The following SUGCT variants were observed in gnomAD, a reference collection of about 807,000 sequenced individuals.
SUGCT encodes succinyl-CoA:glutarate-CoA transferase.
In SUGCT, 41 loss-of-function variants were observed where a neutral mutation model predicts 55.0. The observed-to-expected ratio is 0.74, with a 90% confidence interval of 0.58 to 0.97. The LOEUF is 0.97. Ranked by LOEUF, SUGCT falls within the 50% of genes least tolerant of loss-of-function variation. SUGCT has a pLI of 0.00. For missense variants in SUGCT, 568 were observed against 547.8 expected (o/e 1.04, Z -0.37); for synonymous variants, 187 against 200.4 (o/e 0.93, Z 0.56).
intron 13 of SUGCT, among the ~76,000 whole-genome samples, chr7:40,844,446 T>A (rs1471043436): frequency 6.6e-6 from 1 of 152,106 alleles, no homozygotes; most frequent in East Asian, 1.9e-4. Context: ...TTCTCCTGAA[T>A]GACCGAACTC....
intron 12 of SUGCT, among the ~76,000 whole-genome samples, chr7:40,507,686 G>A (rs943441521): frequency 2.0e-5 from 3 of 152,128 alleles, no homozygotes; most frequent in Non-Finnish European, 4.4e-5. Flanking sequence ...TGTTCACTCA[G>A]TGTTTGGTTA....
intron 6 of SUGCT, among the ~76,000 whole-genome samples, chr7:40,210,079 T>A (rs1339899042): frequency 6.6e-6 from 1 of 152,020 alleles, no homozygotes; most frequent in African/African-American, 2.4e-5. Context: ...AAATTTAATT[T>A]TATTTATTTA....
intron 13 of SUGCT, among the ~76,000 whole-genome samples, chr7:40,780,260 T>TA (rs1789667415): frequency 6.6e-6 from 1 of 152,216 alleles, no homozygotes; most frequent in African/African-American, 2.4e-5. Context: ...TTTATAATCG[T>TA]GCTGTTTTCT....
intron 9 of SUGCT, among the ~76,000 whole-genome samples, chr7:40,423,070 A>C (rs1787397568): frequency 6.6e-6 from 1 of 152,162 alleles, no homozygotes; most frequent in Admixed American, 6.6e-5. Context: ...TGAGGCACAG[A>C]GAGGTTAAAT....
chr7:40,629,429 C>CT (rs1375492247), intron 12 of SUGCT, among the ~76,000 whole-genome samples: 4 of 152,136 alleles, frequency 2.6e-5, no homozygotes, highest in African/African-American at 9.7e-5. Flanking sequence ...TGAAAGTAGA[C>CT]TCTGAGTTTG....
chr7:40,238,140 C>G (rs1369822190), intron 7 of SUGCT, among the ~76,000 whole-genome samples: 1 of 152,100 alleles, frequency 6.6e-6, no homozygotes, highest in Admixed American at 6.5e-5. Context: ...ACTAGAGTGC[C>G]TTCATCTGCC....
intron 7 of SUGCT, among the ~76,000 whole-genome samples, chr7:40,272,533 G>A (rs537350819): frequency 1.3e-4 from 20 of 151,284 alleles, no homozygotes; most frequent in Non-Finnish European, 2.4e-4. Flanking sequence ...CCATATTTCC[G>A]CTGTTGTCAA....
chr7:40,242,934 T>TATATATATATATATGTA (rs1491495282), intron 7 of SUGCT, among the ~76,000 whole-genome samples: 1 of 18,040 alleles, frequency 5.5e-5, no homozygotes. Context: ...TATATATATA[T>TATATATATATATATGTA]TTTTTTTTTT....
chr7:40,161,370 A>G lies in SUGCT; in HGVS notation c.101-19577A>G, dbSNP rs768776495. On this transcript the variant is annotated intron_variant, in intron 1 of 13. Coordinates refer to ENST00000335693, the MANE Select transcript of SUGCT (RefSeq NM_001193313.2). ...CTATTCCATGGAATGGGCTCTCTCT[A>G]TATTTTTTTGTGTCAAGAGGCTCTT... Among the ~76,000 whole-genome samples, 29 of 152,142 alleles carry G rather than the reference A, an allele frequency of 1.9e-4. No homozygotes were observed. The East Asian group carries it at 4.4e-3, about 23-fold the overall frequency.
intron 12 of SUGCT, among the ~76,000 whole-genome samples, chr7:40,617,061 A>C (rs1799036852): frequency 6.6e-6 from 1 of 152,078 alleles, no homozygotes; most frequent in African/African-American, 2.4e-5. Flanking sequence ...TTAAACCTAC[A>C]CTTTATTTAT....
chr7:40,238,248 G>A (rs1048003994), intron 7 of SUGCT, among the ~76,000 whole-genome samples: 4 of 152,100 alleles, frequency 2.6e-5, no homozygotes, highest in African/African-American at 9.7e-5. Flanking sequence ...AGGTTTAAAT[G>A]TATCTAATTT....
intron 13 of SUGCT, among the ~76,000 whole-genome samples, chr7:40,820,196 G>T (rs557794127): frequency 6.7e-6 from 1 of 149,088 alleles, no homozygotes; most frequent in South Asian, 2.1e-4. Context: ...GTCAGGTAGC[G>T]TGATGCCTCC....
intron 9 of SUGCT, among the ~76,000 whole-genome samples, chr7:40,448,975 GAGAGAGAGAA>G (rs1283035920): frequency 6.6e-6 from 1 of 151,274 alleles, no homozygotes; most frequent in Non-Finnish European, 1.5e-5. Flanking sequence ...GAGAGAGAGA[GAGAGAGAGAA>G]AGAGAGAGAG....
the SUGCT span, among the ~76,000 whole-genome samples, chr7:40,895,427 A>G: frequency 6.6e-6 from 1 of 152,214 alleles, no homozygotes. Context: ...CAATTTAACT[A>G]TATATTAATA....
chr7:40,936,272 C>T, the SUGCT span, among the ~76,000 whole-genome samples: 1 of 150,816 alleles, frequency 6.6e-6, no homozygotes, highest in Admixed American at 6.6e-5. Context: ...ATCTCCTTAT[C>T]TTTTATAGGT....
At chr7:40,751,037 T>C (rs954798997) in intron 13 of SUGCT, among the ~76,000 whole-genome samples, 6 of 152,284 alleles carry the variant, frequency 3.9e-5, no homozygotes, top group Admixed American at 3.3e-4. Flanking sequence ...AAGTCATAAG[T>C]GCAAAGAAAG....
the SUGCT span, among the ~76,000 whole-genome samples, chr7:40,999,763 C>G: frequency 6.6e-6 from 1 of 152,148 alleles, no homozygotes; most frequent in African/African-American, 2.4e-5. Context: ...TTTTACCTTT[C>G]CAGAACATCT....
chr7:40,809,461 A>G (rs566116039), intron 13 of SUGCT, among the ~76,000 whole-genome samples: 2 of 152,202 alleles, frequency 1.3e-5, no homozygotes, highest in South Asian at 4.2e-4. Context: ...CACACACCCA[A>G]AAAAGTAACT....
chr7:40,747,659 T>C (rs1390807483), intron 12 of SUGCT, among the ~76,000 whole-genome samples: 1 of 152,186 alleles, frequency 6.6e-6, no homozygotes, highest in African/African-American at 2.4e-5. Flanking sequence ...GAAGAGAGGT[T>C]CTGTGCTTGG....
Sources: allele counts gnomAD v4.1 joint callset (sites outside exome capture counted in the v4.1 genomes callset), GRCh38; gene constraint gnomAD v4.1.1; transcripts MANE v1.5; gene names NCBI Gene and HGNC (gene_info 2026-07-23, HGNC 2026-07-21).